ZDHHC14: variants seen among roughly 807,000 people sequenced by gnomAD.
ZDHHC14 encodes palmitoyltransferase ZDHHC14.
In ZDHHC14, 16 loss-of-function variants were observed where a neutral mutation model predicts 47.7. The observed-to-expected ratio is 0.34, with a 90% CI of 0.23 to 0.51. The LOEUF (loss-of-function observed/expected upper bound fraction) is 0.51, where lower values mean the gene tolerates loss of function less well. ZDHHC14 is among the 20% of genes least tolerant of loss of function. The pLI is 0.97. For synonymous variants in ZDHHC14, 293 were observed against 278.9 expected (o/e 1.05, Z -0.50); for missense variants, 515 against 662.5 (o/e 0.78, Z 2.44).
intron 1 of ZDHHC14, among the ~76,000 whole-genome samples, chr6:157,469,448 A>G (rs1779303612): frequency 6.6e-6 from 1 of 152,204 alleles, no homozygotes; most frequent in Admixed American, 6.5e-5. Flanking sequence ...GGGGAATCTT[A>G]CGCAATAATC....
chr6:157,664,687 C>T lies in ZDHHC14; in HGVS notation c.1069-8037C>T, dbSNP rs191172757. ...AGCCTTTCTGATGTCTTTGGGATCC[C>T]GGGGATGTGAACAATGTGTTGGAGG... is the stretch of plus-strand genomic sequence containing the variant. On this transcript the variant is annotated intron_variant, in intron 8 of 8. Transcript: ENST00000359775. Among the ~76,000 whole-genome samples, 85 of 152,290 alleles carry T rather than the reference C, an allele frequency of 5.6e-4. 1 individual carries two copies. Among genetic ancestry groups the T allele is most frequent in the African/African-American group, 1.7e-3 (69 of 41,558 alleles).
chr6:157,630,919 TAC>T (rs1785688836), intron 4 of ZDHHC14: 1 of 138,602 alleles, frequency 7.2e-6, no homozygotes, highest in African/African-American at 2.8e-5. Flanking sequence ...CTCATACCCT[TAC>T]ACTGTCACAC....
At chr6:157,627,085 A>G (rs527609606) in intron 3 of ZDHHC14, among the ~76,000 whole-genome samples, 2 of 152,314 alleles carry the variant, frequency 1.3e-5, no homozygotes, top group South Asian at 2.1e-4. Context: ...GCAGGCAGCA[A>G]TGATTATCTT....
rs149598308 is a variant in ZDHHC14 at position 157,603,950 on chromosome 6, C to G, written c.565+10804C>G. Among the ~76,000 whole-genome samples the G allele has an allele frequency of 7.7e-4, 117 of 152,310 alleles. 1 individual carries two copies. The highest frequency in any genetic ancestry group is 2.7e-3 in the African/African-American group (114 of 41,562). ...GAGGGAGAGAAGTGAATACATTTGG[C>G]TCTCTGTATTCATGGGTTCCACATC... On this transcript the variant is annotated intron_variant, in intron 3 of 8. Coordinates refer to ENST00000359775, the MANE Select transcript of ZDHHC14 (RefSeq NM_024630.3).
rs1486419508 is a variant in ZDHHC14, at chr6:157,479,806, C to T, written c.246-62779C>T. ...CCCAAGTGGACACTTCCCTGGTCCC[C>T]TCCTGGCCCAGAGAGAGCTGGAAGG... On this transcript the variant is annotated intron_variant, in intron 1 of 8. Coordinates refer to ENST00000359775, the MANE Select transcript of ZDHHC14 (RefSeq NM_024630.3). Among the ~76,000 whole-genome samples, 2 of 152,246 alleles carry T rather than the reference C, an allele frequency of 1.3e-5. 1 individual carries two copies. The highest frequency in any genetic ancestry group is 4.8e-5 in the African/African-American group (2 of 41,476).
chr6:157,441,176 G>A (rs575255960), intron 1 of ZDHHC14, among the ~76,000 whole-genome samples: 3 of 152,318 alleles, frequency 2.0e-5, no homozygotes, highest in African/African-American at 7.2e-5. Flanking sequence ...GGAAGTCAGG[G>A]CAGAGATAGA....
chr6:157,526,793 C>T (rs374542244), intron 1 of ZDHHC14, among the ~76,000 whole-genome samples: 4 of 152,148 alleles, frequency 2.6e-5, no homozygotes. Context: ...CGCCAGGGCT[C>T]GGCTGAGAAG....
At chr6:157,391,763 T>C (rs150270726) in intron 1 of ZDHHC14, among the ~76,000 whole-genome samples, 1,771 of 152,350 alleles carry the variant, frequency 0.012, 15 homozygotes, top group Non-Finnish European at 0.016. Flanking sequence ...CTCAGCTCCC[T>C]GACAGATTTT....
chr6:157,480,928 T>A (rs1209939990), intron 1 of ZDHHC14, among the ~76,000 whole-genome samples: 3 of 152,214 alleles, frequency 2.0e-5, no homozygotes, highest in Non-Finnish European at 2.9e-5. Flanking sequence ...TTGATAGTTT[T>A]AAAAAAATGT....
At chr6:157,525,796 T>G (rs9505845) in intron 1 of ZDHHC14, among the ~76,000 whole-genome samples, 59,960 of 152,004 alleles carry the variant, frequency 0.39, 11,969 homozygotes, top group Admixed American at 0.46. Context: ...CCACTGCTGC[T>G]GGATGCCTGC....
intron 1 of ZDHHC14, among the ~76,000 whole-genome samples, chr6:157,413,081 T>C (rs945156698): frequency 1.3e-5 from 2 of 152,030 alleles, no homozygotes. Context: ...AGACGGTGAA[T>C]GAGGGAGGAA....
intron 1 of ZDHHC14, among the ~76,000 whole-genome samples, chr6:157,531,594 C>T (rs1217659462): frequency 6.6e-6 from 1 of 152,066 alleles, no homozygotes; most frequent in Non-Finnish European, 1.5e-5. Flanking sequence ...TTTGCCCCAC[C>T]CCCCAACCCC....
Position 157,462,967 on chromosome 6 carries a change from C to T in ZDHHC14, c.246-79618C>T, listed in dbSNP as rs138271403. Among the ~76,000 whole-genome samples the T allele has an allele frequency of 3.0e-3, 454 of 152,344 alleles. 2 individuals carry two copies. The highest frequency in any genetic ancestry group is 0.011 in the African/African-American group (444 of 41,580). ...CAGAATTACCAAGAATAAAATACTG[C>T]TGTTTCATTACCAATAAAATTTCCT... On this transcript the variant is annotated intron_variant, in intron 1 of 8. Transcript: ENST00000359775.
At chr6:157,419,956 G>A (rs1778062761) in intron 1 of ZDHHC14, among the ~76,000 whole-genome samples, 1 of 152,226 alleles carries the variant, frequency 6.6e-6, no homozygotes, top group East Asian at 1.9e-4. Context: ...ATTTGGTGTT[G>A]TCAGTGTTGT....
chr6:157,498,394 A>G (rs1780116076), intron 1 of ZDHHC14, among the ~76,000 whole-genome samples: 1 of 152,090 alleles, frequency 6.6e-6, no homozygotes, highest in African/African-American at 2.4e-5. Flanking sequence ...TCCAGGAAGA[A>G]TGAATAGGAT....
intron 3 of ZDHHC14, among the ~76,000 whole-genome samples, chr6:157,603,265 G>T (rs542146789): frequency 6.6e-6 from 1 of 152,222 alleles, no homozygotes; most frequent in African/African-American, 2.4e-5. Context: ...TTTCACACAG[G>T]TTCGTTCCCT....
intron 1 of ZDHHC14, among the ~76,000 whole-genome samples, chr6:157,444,383 AG>A (rs1392970166): frequency 6.6e-6 from 1 of 152,240 alleles, no homozygotes; most frequent in Non-Finnish European, 1.5e-5. Context: ...ACACTCAGTA[AG>A]AGGATATACT....
At chr6:157,479,125 C>T (rs1354578458) in intron 1 of ZDHHC14, among the ~76,000 whole-genome samples, 1 of 152,202 alleles carries the variant, frequency 6.6e-6, no homozygotes. Flanking sequence ...CTGGAGTCCA[C>T]CTTCCTGGAT....
intron 3 of ZDHHC14, among the ~76,000 whole-genome samples, chr6:157,616,684 A>G (rs1490989566): frequency 1.3e-5 from 2 of 152,122 alleles, no homozygotes; most frequent in Admixed American, 6.5e-5. Flanking sequence ...TAAAATCCCA[A>G]CCACACACGA....
Sources: gnomAD v4.1 joint callset for allele counts (sites outside exome capture counted in the v4.1 genomes callset) on GRCh38, gnomAD v4.1.1 for gene constraint, MANE v1.5 for transcripts, NCBI Gene and HGNC (gene_info 2026-07-23, HGNC 2026-07-21) for gene names.